C2orf76: variants seen among roughly 807,000 people sequenced by gnomAD.
The protein encoded by C2orf76 is UPF0538 protein C2orf76.
A neutral mutation model predicts 16.9 loss-of-function variants in C2orf76; 23 were observed. The ratio of observed to expected loss-of-function variants is 1.36; its 90% CI spans 0.98 to 1.93. The LOEUF is 1.93. Among genes scored for constraint, C2orf76 ranks in the 30% most tolerant of loss-of-function variants. The pLI is 0.00. For missense variants in C2orf76, 152 were observed against 152.6 expected (o/e 1.00, Z 0.02); for synonymous variants, 48 against 52.3 (o/e 0.92, Z 0.35).
intron 4 of C2orf76, among the ~76,000 whole-genome samples, chr2:119,313,285 A>G (rs1679056166): frequency 6.6e-6 from 1 of 152,022 alleles, no homozygotes; most frequent in Admixed American, 6.6e-5. Flanking sequence ...TTAAAAGAAA[A>G]AATACTTTAC....
At chr2:119,295,799 G>A in the C2orf76 span, among the ~76,000 whole-genome samples, 1 of 152,142 alleles carries the variant, frequency 6.6e-6, no homozygotes, top group Non-Finnish European at 1.5e-5. Flanking sequence ...AAAATCTCAT[G>A]GCCTACGAAT....
intron 4 of C2orf76, 107 bp downstream of exon 4, chr2:119,317,359 T>C: frequency 1.3e-6 from 1 of 771,172 alleles, no homozygotes; most frequent in Non-Finnish European, 1.9e-6. Context: ...AAAAGCGCTA[T>C]TATAATGGGA....
At chr2:119,285,632 G>T in the C2orf76 span, among the ~76,000 whole-genome samples, 1,943 of 152,316 alleles carry the variant, frequency 0.013, 43 homozygotes, top group African/African-American at 0.045. Flanking sequence ...AAATGGAAAA[G>T]AAACCAAAAT....
intron 1 of C2orf76, among the ~76,000 whole-genome samples, chr2:119,363,148 G>C (rs1680797242): frequency 6.6e-6 from 1 of 152,066 alleles, no homozygotes; most frequent in Non-Finnish European, 1.5e-5. Flanking sequence ...TCCTGGGCCA[G>C]GCGACATGGC....
At chr2:119,287,518 GT>G in the C2orf76 span, among the ~76,000 whole-genome samples, 4,117 of 148,466 alleles carry the variant, frequency 0.028, 188 homozygotes, top group African/African-American at 0.094. Flanking sequence ...CTAATAACAT[GT>G]TTTTTTTTTT....
chr2:119,314,023 T>TTTG (rs1484570026), intron 4 of C2orf76, among the ~76,000 whole-genome samples: 2 of 148,620 alleles, frequency 1.3e-5, no homozygotes, highest in African/African-American at 4.9e-5. Context: ...GGTTTTTTTT[T>TTTG]TTTTTTTTTT....
intron 1 of C2orf76, 88 bp downstream of exon 1, chr2:119,366,702 T>C (rs891118482): frequency 6.1e-6 from 3 of 494,796 alleles, no homozygotes; most frequent in African/African-American, 3.9e-5. Flanking sequence ...TTCCCCCGCG[T>C]GCCGTCCCCA....
chr2:119,324,529 A>C (rs1480475565), intron 2 of C2orf76, among the ~76,000 whole-genome samples: 1 of 152,200 alleles, frequency 6.6e-6, no homozygotes, highest in Non-Finnish European at 1.5e-5. Context: ...CCATGAGGGC[A>C]GGGACCACAG....
At chr2:119,341,328 A>C (rs1353239905) in intron 1 of C2orf76, among the ~76,000 whole-genome samples, 1 of 152,166 alleles carries the variant, frequency 6.6e-6, no homozygotes, top group Non-Finnish European at 1.5e-5. Flanking sequence ...GTTATATATC[A>C]GCAATGCTTA....
intron 1 of C2orf76, among the ~76,000 whole-genome samples, chr2:119,359,235 G>A (rs1170864888): frequency 6.6e-6 from 1 of 152,034 alleles, no homozygotes; most frequent in Non-Finnish European, 1.5e-5. Flanking sequence ...CTAATCCTCA[G>A]GAAAAAAAAG....
intron 1 of C2orf76, among the ~76,000 whole-genome samples, chr2:119,349,037 A>T (rs940920632): frequency 1.3e-5 from 2 of 152,212 alleles, no homozygotes; most frequent in African/African-American, 4.8e-5. Context: ...GTACAGTATC[A>T]CTGCATGTTT....
the C2orf76 span, among the ~76,000 whole-genome samples, chr2:119,292,801 A>AAG: frequency 6.6e-6 from 1 of 152,134 alleles, no homozygotes; most frequent in African/African-American, 2.4e-5. Flanking sequence ...TTGGGAGGCT[A>AAG]AGGCAGGCGG....
At chr2:119,318,312 A>T (rs1240107426) in intron 3 of C2orf76, among the ~76,000 whole-genome samples, 1 of 152,216 alleles carries the variant, frequency 6.6e-6, no homozygotes, top group African/African-American at 2.4e-5. Flanking sequence ...ATTACAGTGT[A>T]TTATTGAATA....
chr2:119,323,713 G>A (rs973143817), intron 2 of C2orf76, among the ~76,000 whole-genome samples: 1 of 152,202 alleles, frequency 6.6e-6, no homozygotes, highest in Non-Finnish European at 1.5e-5. Context: ...GTGACAACAG[G>A]TAAGTGAAGC....
the C2orf76 span, among the ~76,000 whole-genome samples, chr2:119,289,220 T>TATGTC: frequency 6.6e-6 from 1 of 152,052 alleles, no homozygotes; most frequent in Non-Finnish European, 1.5e-5. Context: ...GAATGTGCGC[T>TATGTC]ATGTCAGGAG....
the C2orf76 span, among the ~76,000 whole-genome samples, chr2:119,284,989 T>G: frequency 6.6e-6 from 1 of 152,336 alleles, no homozygotes; most frequent in African/African-American, 2.4e-5. Context: ...GGATGTAATA[T>G]CTGTGTTCCA....
chr2:119,362,579 C>A (rs765341239), intron 1 of C2orf76, among the ~76,000 whole-genome samples: 18 of 152,168 alleles, frequency 1.2e-4, no homozygotes, highest in Non-Finnish European at 2.5e-4. Context: ...TGAAGTTGAA[C>A]AAGAACTCAG....
At chr2:119,307,424 G>C (rs1678826199) in intron 5 of C2orf76, among the ~76,000 whole-genome samples, 1 of 143,172 alleles carries the variant, frequency 7.0e-6, no homozygotes, top group East Asian at 2.0e-4. Flanking sequence ...GGGCGACAGA[G>C]AGAGACTCTG....
At chr2:119,325,151 C>A (rs1029690047) in intron 2 of C2orf76, among the ~76,000 whole-genome samples, 13 of 151,976 alleles carry the variant, frequency 8.6e-5, no homozygotes, top group Non-Finnish European at 1.9e-4. Flanking sequence ...GCCTGGACAA[C>A]ATAGCGAGAC....
Sources: gnomAD v4.1 joint callset for allele counts (sites outside exome capture counted in the v4.1 genomes callset) on GRCh38, gnomAD v4.1.1 for gene constraint, MANE v1.5 for transcripts, NCBI Gene and HGNC (gene_info 2026-07-23, HGNC 2026-07-21) for gene names.